SLITRK5: variants seen among roughly 807,000 people sequenced by gnomAD.
SLITRK5 encodes the protein SLIT and NTRK like family member 5.
In SLITRK5, 23 loss-of-function variants were observed where a neutral mutation model predicts 56.2. The ratio of observed to expected loss-of-function variants is 0.41; its 90% CI spans 0.29 to 0.58. The LOEUF is 0.58. Among genes scored for constraint, SLITRK5 ranks in the 20% least tolerant of loss-of-function variants. The pLI is 0.30. For missense variants in SLITRK5, 1,289 were observed against 1,226.6 expected, an observed-to-expected ratio of 1.05 and a Z score of -0.76; for synonymous variants, 637 against 531.8, an observed-to-expected ratio of 1.20 and a Z score of -2.72.
chr13:87,675,943 T>C lies in SLITRK5; in HGVS notation c.555T>C (p.Asn185=), dbSNP rs1219579759. 3.1e-6 allele frequency: 5 copies of C among 1,614,212 alleles called. No individual in the cohort carries two copies. The highest frequency in any genetic ancestry group is 1.1e-5 in the South Asian group (1 of 91,090). The change falls in exon 2 of 2, where the codon AAT becomes AAC. Residue 185 remains asparagine (N), a synonymous_variant. Coordinates refer to ENST00000683689, the MANE Select transcript of SLITRK5 (RefSeq NM_001384609.1). ...ATTTGTTGCAGGTGCTTATCCTCAA[T>C]GACAATCTTTTGTCCAGTTTACCCA... ...KLHLLQVLIL[N]DNLLSSLPNN... is the part of the protein sequence containing the mutation.
chr13:87,678,021 C>T lies in SLITRK5; in HGVS notation c.2633C>T (p.Pro878Leu). 1.2e-6 allele frequency: 2 copies of T among 1,614,104 alleles called. No individual in the cohort carries two copies. Among genetic ancestry groups the T allele is most frequent in the Non-Finnish European group, 1.7e-6 (2 of 1,179,982 alleles). ...GCCGGCAATAGCCTCCCGGAATATC[C>T]CAAATTCCCGTGCAGCCCCGCTGCT... ...TPAGNSLPEY[P>L]KFPCSPAAYT... The change falls in exon 2 of 2, where the codon CCC becomes CTC. Residue 878 changes from proline (P) to leucine (L), a missense_variant. This residue lies in a region of SLITRK5 where 985 missense variants were observed against 906.0 expected (regional missense o/e 1.09). Transcript: ENST00000683689.
chr13:87,678,108 G>A lies in SLITRK5; in HGVS notation c.2720G>A (p.Gly907Glu), dbSNP rs1194620587. Residue 907 changes from glycine (G) to glutamate (E), a missense_variant, in exon 2 of 2, where the codon GGG (glycine) becomes GAG (glutamate). Transcript: ENST00000683689. Reference sequence around the variant, plus strand: ...CATCAGTATTTGCACCCGGGGGCAGGGGACAGCAGGCTACGGGAACCGGTG... The same window carrying A: ...CATCAGTATTTGCACCCGGGGGCAGAGGACAGCAGGCTACGGGAACCGGTG... ...RPHQYLHPGA[G>E]DSRLREPVLY... is the part of the protein sequence containing the mutation. 2.5e-6 allele frequency: 4 copies of A among 1,614,098 alleles called. No individual in the cohort carries two copies. The highest frequency in any genetic ancestry group is 1.1e-5 in the South Asian group (1 of 91,092).
At position 87,677,608 on chromosome 13, in the gene SLITRK5, G is replaced by T; in HGVS notation, c.2220G>T (p.Lys740Asn). 1 of 1,609,970 alleles carries T rather than the reference G, an allele frequency of 6.2e-7. No individual in the cohort carries two copies. The highest frequency in any genetic ancestry group is 8.5e-7 in the Non-Finnish European group (1 of 1,177,210). ...HVHHRGPALP[K>N]VKTPAGHVYE... Reference sequence around the variant, plus strand: ...ATCACCGCGGGCCCGCGCTGCCCAAGGTGAAGACGCCCGCGGGCCACGTGT... The same window carrying T: ...ATCACCGCGGGCCCGCGCTGCCCAATGTGAAGACGCCCGCGGGCCACGTGT... Residue 740 changes from lysine (K) to asparagine (N), a missense_variant, in exon 2 of 2, where the codon AAG (lysine) becomes AAT (asparagine). Lys to Asn is a moderately conservative substitution (Grantham distance 94). This residue lies in a region of SLITRK5 where 985 missense variants were observed against 906.0 expected (regional missense o/e 1.09). Coordinates refer to ENST00000683689, the MANE Select transcript of SLITRK5 (RefSeq NM_001384609.1). The surrounding 1 kb of genome is among the most constrained non-coding windows in gnomAD (Gnocchi z 4.7).
chr13:87,676,956 G>T lies in SLITRK5; in HGVS notation c.1568G>T (p.Gly523Val), dbSNP rs1008602520. The change falls in exon 2 of 2, where the codon GGC (glycine) becomes GTC (valine). Residue 523 changes from glycine (G) to valine (V), a missense_variant. This residue lies in a region of SLITRK5 where 985 missense variants were observed against 906.0 expected (regional missense o/e 1.09). Coordinates refer to ENST00000683689, the MANE Select transcript of SLITRK5 (RefSeq NM_001384609.1). Reference protein sequence around the residue: ...NNNLLQAMPSGVFSGLTLLRL... With the variant: ...NNNLLQAMPSVVFSGLTLLRL... ...AACCTCCTGCAGGCCATGCCCTCAG[G>T]CGTCTTCTCTGGCTTGACCCTCCTC... is the stretch of plus-strand genomic sequence containing the variant. 1 of 1,614,018 alleles carries T rather than the reference G, an allele frequency of 6.2e-7. No homozygotes were observed. Among genetic ancestry groups the T allele is most frequent in the Non-Finnish European group, 8.5e-7 (1 of 1,180,042 alleles).
rs1308000647 is a variant in SLITRK5, at chr13:87,678,688, G to A, written c.*423G>A. 7.3e-6 allele frequency: 1 copy of A among 136,860 alleles called. No homozygotes were observed. Among genetic ancestry groups the A allele is most frequent in the Non-Finnish European group, 1.5e-5 (1 of 66,442 alleles). The allele number at this position is 136,860 out of a possible 1,614,324, so 8.5% of individuals were successfully genotyped here. ...CCCACCTCTCTTTCTCCCCTTTTAA[G>A]CCATGGGTGGGTCTAACTGGCTTTT... On this transcript the variant is annotated 3_prime_UTR_variant, in exon 2 of 2. Transcript: ENST00000683689.
chr13:87,678,249 C>T lies in SLITRK5; in HGVS notation c.2861C>T (p.Thr954Met). 6 of 1,607,162 alleles carry T rather than the reference C, an allele frequency of 3.7e-6. No individual in the cohort carries two copies. The highest frequency in any genetic ancestry group is 5.1e-6 in the Non-Finnish European group (6 of 1,176,598). The change falls in exon 2 of 2, where the codon ACG becomes ATG. Residue 954 changes from threonine (T) to methionine (M), a missense_variant. This residue lies in a region of SLITRK5 where 985 missense variants were observed against 906.0 expected (regional missense o/e 1.09). Coordinates refer to ENST00000683689, the MANE Select transcript of SLITRK5 (RefSeq NM_001384609.1). ...CTCGAAGTGCTGGAAAAACAGACCA[C>T]GTTTAGCCAGTTCTAAAAGCAAAGA... ...DYLEVLEKQT[T>M]FSQF
At chr13:87,674,647 G>T (rs1877192382) in intron 1 of SLITRK5, among the ~76,000 whole-genome samples, 1 of 152,170 alleles carries the variant, frequency 6.6e-6, no homozygotes, top group African/African-American at 2.4e-5. Flanking sequence ...AAGTGGTACC[G>T]TGCATGCAAT....
In SLITRK5 at chr13:87,673,022, G is replaced by T. The variant is rs943262960; in HGVS notation, c.-9+813G>T. Among the ~76,000 whole-genome samples the T allele has an allele frequency of 2.0e-5, 3 of 151,146 alleles. No individual in the cohort carries two copies. The East Asian group carries it at 6.0e-4, about 30-fold the overall frequency. On this transcript the variant is annotated intron_variant, in intron 1 of 1. Transcript: ENST00000683689. ...GGGGAGCCTCGCGTCCTGGAACTCC[G>T]GGTGCTTCTGCCTGGGCTGCTGCTT...
intron 1 of SLITRK5, chr13:87,673,582 T>G (rs951170235): frequency 1.1e-5 from 14 of 1,242,394 alleles, no homozygotes; most frequent in Non-Finnish European, 1.5e-5. Context: ...AAGGTAAACG[T>G]TTTGCTTTCA....
Position 87,678,264 on chromosome 13 carries a change from A to G in SLITRK5, c.2876A>G (p.Ter959=). 1.9e-6 allele frequency: 3 copies of G among 1,597,480 alleles called. No homozygotes were observed. In the African/African-American group the frequency reaches 4.0e-5, roughly 22 times the overall value. ...AAACAGACCACGTTTAGCCAGTTCT[A>G]AAAGCAAAGAAACTCTCTTGGAGCT... is the stretch of plus-strand genomic sequence containing the variant. ...LEKQTTFSQF[*] is the part of the protein sequence containing the mutation. The change falls in exon 2 of 2, where the codon TAA becomes TGA. Residue 959 remains the stop codon, a stop_retained_variant. Transcript: ENST00000683689.
In SLITRK5 at chr13:87,677,108, A is replaced by C; in HGVS notation, c.1720A>C (p.Met574Leu). Reference sequence around the variant, plus strand: ...GGATTGTACCTGTGACATTGTGGGCATGAAGCTGTGGGTGGAGCAGCTCAA... The same window carrying C: ...GGATTGTACCTGTGACATTGTGGGCCTGAAGCTGTGGGTGGAGCAGCTCAA... ...PWDCTCDIVG[M>L]KLWVEQLKVG... Residue 574 changes from methionine to leucine, a missense_variant, in exon 2 of 2, where the codon ATG (methionine) becomes CTG (leucine). Coordinates refer to ENST00000683689, the MANE Select transcript of SLITRK5 (RefSeq NM_001384609.1). This position sits in a 1 kb window ranked among gnomAD's most constrained non-coding sequence, Gnocchi z 4.7. 6.2e-7 allele frequency: 1 copy of C among 1,614,180 alleles called. No homozygotes were observed. The highest frequency in any genetic ancestry group is 8.5e-7 in the Non-Finnish European group (1 of 1,180,046).
chr13:87,674,537 T>C (rs1877186351), intron 1 of SLITRK5: 1 of 290,048 alleles, frequency 3.4e-6, no homozygotes, highest in South Asian at 1.3e-4. Context: ...TTGTAATCCA[T>C]CGTGCAGAAC....
At position 87,678,013 on chromosome 13, in the gene SLITRK5, G is replaced by A. The variant is rs757141870; in HGVS notation, c.2625G>A (p.Pro875=). 6.2e-7 allele frequency: 1 copy of A among 1,614,090 alleles called. No individual in the cohort carries two copies. Among genetic ancestry groups the A allele is most frequent in the Non-Finnish European group, 8.5e-7 (1 of 1,179,990 alleles). ...CSTTPAGNSL[P]EYPKFPCSPA... ...CCACCCCCGCCGGCAATAGCCTCCC[G>A]GAATATCCCAAATTCCCGTGCAGCC... The change falls in exon 2 of 2, where the codon CCG becomes CCA. Residue 875 remains proline, a synonymous_variant. Transcript: ENST00000683689.
rs566370198 is a variant in SLITRK5, at chr13:87,673,625, C to G, written c.-9+1416C>G. On this transcript the variant is annotated intron_variant, in intron 1 of 1. Transcript: ENST00000683689. ...GGGGATGTTTTTGCCGCTTTTAAGCCGGGAGACGTTTACCGTTGCGTTGGG... is the reference window on the plus strand; with the variant it reads ...GGGGATGTTTTTGCCGCTTTTAAGCGGGGAGACGTTTACCGTTGCGTTGGG... The G allele has an allele frequency of 1.5e-4, 116 of 759,930 alleles. 3 individuals are homozygous for G. The South Asian group carries it at 1.6e-3, about 11-fold the overall frequency. The allele number at this position is 759,930 out of a possible 1,614,324, so 47.1% of individuals were successfully genotyped here.
rs1877299669 is a variant in SLITRK5 at position 87,676,837 on chromosome 13, G to T, written c.1449G>T (p.Leu483=). 1 of 1,613,990 alleles carries T rather than the reference G, an allele frequency of 6.2e-7. No homozygotes were observed. The highest frequency in any genetic ancestry group is 1.3e-5 in the African/African-American group (1 of 74,896). The change falls in exon 2 of 2, where the codon CTG becomes CTT. Residue 483 remains leucine (L), a synonymous_variant. Coordinates refer to ENST00000683689, the MANE Select transcript of SLITRK5 (RefSeq NM_001384609.1). The part of the protein sequence containing the change: ...SPELFYGLQS[L]QYLFLQYNLI... ...AGTTATTCTATGGCCTGCAGAGCCT[G>T]CAGTATCTCTTCCTCCAGTACAATC...
chr13:87,676,966 T>C lies in SLITRK5; in HGVS notation c.1578T>C (p.Ser526=), dbSNP rs768569571. The change falls in exon 2 of 2, where the codon TCT becomes TCC. Residue 526 remains serine (S), a synonymous_variant. Coordinates refer to ENST00000683689, the MANE Select transcript of SLITRK5 (RefSeq NM_001384609.1). ...LLQAMPSGVF[S]GLTLLRLNLR... ...AGGCCATGCCCTCAGGCGTCTTCTC[T>C]GGCTTGACCCTCCTCAGGCTAAACC... The C allele has an allele frequency of 1.2e-6, 2 of 1,614,074 alleles. No homozygotes were observed. The highest frequency in any genetic ancestry group is 1.7e-6 in the Non-Finnish European group (2 of 1,180,040).
rs1593975388 is a variant in SLITRK5 at position 87,678,094 on chromosome 13, G to A, written c.2706G>A (p.Leu902=). The A allele has an allele frequency of 3.1e-6, 5 of 1,614,182 alleles. No individual in the cohort carries two copies. Among genetic ancestry groups the A allele is most frequent in the East Asian group, 4.5e-5 (2 of 44,866 alleles). Residue 902 remains leucine, a synonymous_variant, in exon 2 of 2, where the codon TTG becomes TTA. Transcript: ENST00000683689. ...NYDLRRPHQY[L]HPGAGDSRLR... is the part of the protein sequence containing the mutation. ...ACCTGAGACGCCCCCATCAGTATTT[G>A]CACCCGGGGGCAGGGGACAGCAGGC...
In SLITRK5 at chr13:87,676,178, T is replaced by C. The variant is rs1877265535; in HGVS notation, c.790T>C (p.Cys264Arg). 6.2e-7 allele frequency: 1 copy of C among 1,614,008 alleles called. No homozygotes were observed. The highest frequency in any genetic ancestry group is 1.1e-5 in the South Asian group (1 of 91,088). Reference protein sequence around the residue: ...SYSALVGDVVCETPFRLHGRD... With the variant: ...SYSALVGDVVRETPFRLHGRD... The stretch of plus-strand genomic sequence containing the variant: ...TTCAGCCCTGGTGGGGGATGTAGTT[T>C]GTGAGACCCCCTTCCGCTTACACGG... The change falls in exon 2 of 2, where the codon TGT becomes CGT. Residue 264 changes from cysteine to arginine, a missense_variant. Transcript: ENST00000683689.
In SLITRK5 at chr13:87,676,778, C is replaced by T. The variant is rs190934260; in HGVS notation, c.1390C>T (p.Leu464=). 3.4e-5 allele frequency: 55 copies of T among 1,614,128 alleles called. No individual in the cohort carries two copies. The East Asian group carries it at 1.2e-3, about 35-fold the overall frequency. The change falls in exon 2 of 2, where the codon CTG becomes TTG. Residue 464 remains leucine (L), a synonymous_variant. Transcript: ENST00000683689. The part of the protein sequence containing the change: ...GDLTNLRRLY[L]NGNRIERLSP... ...TCTCACCAACCTGAGGCGCCTCTAC[C>T]TGAATGGCAACAGGATCGAGAGGCT...
Sources: gnomAD v4.1 joint callset for allele counts (sites outside exome capture counted in the v4.1 genomes callset) on GRCh38, gnomAD v4.1.1 for gene constraint, gnomAD v4.1.1 regional missense constraint, Gnocchi (gnomAD v3.1) non-coding constraint, MANE v1.5 for transcripts, NCBI Gene and HGNC (gene_info 2026-07-23, HGNC 2026-07-21) for gene names.